MSH3: variants seen among roughly 807,000 people sequenced by gnomAD.
MSH3 encodes the protein mutS homolog 3, also known as DNA mismatch repair protein Msh3.
Under a neutral mutation model 123.3 loss-of-function variants are expected in MSH3, and 106 were observed. The observed-to-expected ratio is 0.86, with a 90% CI of 0.73 to 1.01. The LOEUF is 1.01. Ranked by LOEUF, MSH3 falls within the 50% of genes least tolerant of loss-of-function variation. The pLI, the probability that MSH3 is intolerant of heterozygous loss-of-function variation, is 0.00. For missense variants in MSH3, 1,459 were observed against 1,347.6 expected (o/e 1.08, Z -1.29); for synonymous variants, 515 against 481.4 (o/e 1.07, Z -0.91).
At chr5:80,679,840 T>C (rs1357959246) in intron 8 of MSH3, among the ~76,000 whole-genome samples, 5 of 151,880 alleles carry the variant, frequency 3.3e-5, no homozygotes, top group Admixed American at 2.6e-4. Context: ...CCACCTGGAG[T>C]GTGGTGGGAA....
intron 19 of MSH3, among the ~76,000 whole-genome samples, chr5:80,808,211 T>A (rs557694281): frequency 3.9e-5 from 6 of 152,230 alleles, no homozygotes; most frequent in Non-Finnish European, 8.8e-5. Context: ...TTGCTAGAGA[T>A]CCTCTCATTA....
chr5:80,869,198 A>G (rs183365563), intron 22 of MSH3, among the ~76,000 whole-genome samples: 1 of 152,250 alleles, frequency 6.6e-6, no homozygotes, highest in African/African-American at 2.4e-5. Flanking sequence ...ATTTGTCAGT[A>G]CACATCTCTT....
At chr5:80,703,248 A>G (rs554789169) in intron 8 of MSH3, among the ~76,000 whole-genome samples, 12 of 152,318 alleles carry the variant, frequency 7.9e-5, no homozygotes, top group Non-Finnish European at 1.8e-4. Context: ...GCCCTTTTTA[A>G]GTGTGAGCAA....
At chr5:80,852,558 T>TC (rs1356876658) in intron 20 of MSH3, among the ~76,000 whole-genome samples, 3 of 152,230 alleles carry the variant, frequency 2.0e-5, no homozygotes, top group Admixed American at 6.5e-5. Flanking sequence ...AGTTTCATCA[T>TC]CCTGTTTTGT....
At position 80,767,942 on chromosome 5, in the gene MSH3, C is replaced by T. The variant is rs2112884287; in HGVS notation, c.1906C>T (p.Gln636Ter). ...ATATTTCTATTTTCAGTGTTCTACC[C>T]AAGAGTTCTTCTTGATTGTCAAAAC... ...CSIYHKKCST[Q>*]EFFLIVKTLY... The change falls in exon 14 of 24, where the codon CAA becomes TAA. Residue 636 changes from glutamine to a stop codon, truncating the protein, a stop_gained. Coordinates refer to ENST00000265081, the MANE Select transcript of MSH3 (RefSeq NM_002439.5). LOFTEE classifies it high-confidence loss of function. 1 of 1,608,508 alleles carries T rather than the reference C, an allele frequency of 6.2e-7. No individual in the cohort carries two copies. Among genetic ancestry groups the T allele is most frequent in the South Asian group, 1.1e-5 (1 of 90,948 alleles).
chr5:80,770,602 A>G (rs1305162210), intron 15 of MSH3, among the ~76,000 whole-genome samples: 1 of 152,168 alleles, frequency 6.6e-6, no homozygotes, highest in African/African-American at 2.4e-5. Context: ...GAGTAGTTAG[A>G]TAAGTTACCC....
chr5:80,808,873 A>ATATATATG (rs58133423), intron 19 of MSH3, among the ~76,000 whole-genome samples: 16,248 of 136,950 alleles, frequency 0.12, 1,506 homozygotes, highest in East Asian at 0.24. Context: ...ATATATATAT[A>ATATATATG]TATATATATA....
intron 19 of MSH3, among the ~76,000 whole-genome samples, chr5:80,797,474 G>A (rs1744717379): frequency 1.3e-5 from 2 of 151,940 alleles, no homozygotes; most frequent in South Asian, 4.2e-4. Flanking sequence ...TTTTTTTTCA[G>A]GATATTATAT....
At chr5:80,808,884 C>CTATATATATATATCTATATATAT (rs1561485262) in intron 19 of MSH3, among the ~76,000 whole-genome samples, 6 of 118,676 alleles carry the variant, frequency 5.1e-5, no homozygotes, top group Admixed American at 8.9e-5. Flanking sequence ...TATATATATA[C>CTATATATATATATCTATATATAT]ACAATCTAAA....
At chr5:80,826,757 C>T (rs1215161785) in intron 20 of MSH3, among the ~76,000 whole-genome samples, 1 of 152,092 alleles carries the variant, frequency 6.6e-6, no homozygotes, top group Non-Finnish European at 1.5e-5. Context: ...CCACATTGGG[C>T]AAGCTGGTCT....
At chr5:80,670,005 G>A (rs1206378651) in intron 3 of MSH3, 92 bp from the exon 4 acceptor site, 5 of 1,185,026 alleles carry the variant, frequency 4.2e-6, no homozygotes, top group Non-Finnish European at 6.1e-6. Context: ...TTCACTAAGT[G>A]TTAGCTTTTT....
intron 20 of MSH3, among the ~76,000 whole-genome samples, chr5:80,820,900 C>G (rs183893895): frequency 6.6e-6 from 1 of 152,122 alleles, no homozygotes; most frequent in South Asian, 2.1e-4. Context: ...TTGCACTTCA[C>G]GAAGGTCCAG....
chr5:80,864,616 G>A lies in MSH3; in HGVS notation c.3001-197G>A, dbSNP rs144786102. On this transcript the variant is annotated intron_variant, in intron 21 of 23. Coordinates refer to ENST00000265081, the MANE Select transcript of MSH3 (RefSeq NM_002439.5). The stretch of plus-strand genomic sequence containing the variant: ...TCAGGAAAAAATGTCTGTGTCTGTG[G>A]AGGAGGAAGAAGAAGGGAAATATGG... Among the ~76,000 whole-genome samples, 505 of 152,272 alleles carry A rather than the reference G, an allele frequency of 3.3e-3. 1 individual carries two copies. The highest frequency in any genetic ancestry group is 0.01 in the Middle Eastern group (3 of 294).
chr5:80,692,217 T>G (rs1750293558), intron 8 of MSH3, among the ~76,000 whole-genome samples: 1 of 107,782 alleles, frequency 9.3e-6, no homozygotes, highest in Admixed American at 9.7e-5. Context: ...TAAACATGTA[T>G]ATGTTTAGAT....
rs6151882 is a variant in MSH3 at position 80,814,852 on chromosome 5, G to A, written c.2813+1111G>A. On this transcript the variant is annotated intron_variant, in intron 20 of 23. Coordinates refer to ENST00000265081, the MANE Select transcript of MSH3 (RefSeq NM_002439.5). ...CTCAATGTGTAAACCTAAATTTTAT[G>A]CCGTGTTAGGAATATGAGTGAAATA... Among the ~76,000 whole-genome samples the A allele has an allele frequency of 3.2e-3, 484 of 152,348 alleles. 1 individual carries two copies. The highest frequency in any genetic ancestry group is 0.011 in the African/African-American group (460 of 41,580).
intron 21 of MSH3, among the ~76,000 whole-genome samples, chr5:80,854,905 C>T (rs904777919): frequency 5.3e-5 from 8 of 152,062 alleles, no homozygotes; most frequent in Admixed American, 1.3e-4. Context: ...CCAAATTCCT[C>T]GAGGGAAAAA....
chr5:80,761,569 C>G lies in MSH3; in HGVS notation c.1787C>G (p.Ala596Gly), dbSNP rs148162799. The change falls in exon 13 of 24, where the codon GCT becomes GGT. Residue 596 changes from alanine to glycine, a missense_variant. Transcript: ENST00000265081. ...KLREINARLD[A>G]VSEVLHSESS... is the part of the protein sequence containing the mutation. The stretch of plus-strand genomic sequence containing the variant: ...AGGGAAATAAATGCCCGGCTTGATG[C>G]TGTATCGGAAGTTCTCCATTCAGAA... 3 of 1,614,006 alleles carry G rather than the reference C, an allele frequency of 1.9e-6. No homozygotes were observed. The highest frequency in any genetic ancestry group is 2.5e-6 in the Non-Finnish European group (3 of 1,179,968).
intron 20 of MSH3, among the ~76,000 whole-genome samples, chr5:80,814,273 A>T (rs960223084): frequency 2.0e-5 from 3 of 151,610 alleles, no homozygotes. Flanking sequence ...TATTTTATTT[A>T]TTATTATTAT....
intron 9 of MSH3, among the ~76,000 whole-genome samples, chr5:80,726,838 C>G (rs1201234532): frequency 2.0e-5 from 3 of 152,112 alleles, no homozygotes; most frequent in Non-Finnish European, 4.4e-5. Context: ...AACTAAAGAC[C>G]TGATAAATCT....
Sources: allele counts gnomAD v4.1 joint callset (sites outside exome capture counted in the v4.1 genomes callset), GRCh38; gene constraint gnomAD v4.1.1; transcripts MANE v1.5; gene names NCBI Gene and HGNC (gene_info 2026-07-23, HGNC 2026-07-21).